ABCA1: variants seen among roughly 807,000 people sequenced by gnomAD.
ABCA1 encodes the protein ATP binding cassette subfamily A member 1.
A neutral mutation model predicts 262.5 loss-of-function variants in ABCA1; 133 were observed. That is an observed-to-expected ratio of 0.51 (90% CI 0.44 to 0.59). ABCA1 has a LOEUF of 0.59. ABCA1 is among the 20% of genes least tolerant of loss of function. The pLI, the probability that ABCA1 is intolerant of heterozygous loss-of-function variation, is 0.00. For missense variants in ABCA1, 2,452 were observed against 2,777.5 expected (o/e 0.88, Z 2.63); for synonymous variants, 1,022 against 1,043.5 (o/e 0.98, Z 0.40).
intron 1 of ABCA1, among the ~76,000 whole-genome samples, chr9:104,916,811 C>G (rs1441753003): frequency 6.6e-6 from 1 of 152,192 alleles, no homozygotes; most frequent in African/African-American, 2.4e-5. Context: ...TCCCAAAGTG[C>G]TGTGATTACA....
At chr9:104,796,524 A>G (rs1829911000) in intron 37 of ABCA1, 100 bp from the exon 38 acceptor site, 4 of 858,804 alleles carry the variant, frequency 4.7e-6, no homozygotes, top group Admixed American at 2.0e-5. Context: ...GCAGATAAAC[A>G]TATTGGAGAG....
chr9:104,834,726 A>C (rs963225430), intron 11 of ABCA1, among the ~76,000 whole-genome samples: 1 of 135,198 alleles, frequency 7.4e-6, no homozygotes, highest in African/African-American at 2.6e-5. Flanking sequence ...GGCTAAAAGC[A>C]GCTCAGAAAA....
intron 7 of ABCA1, among the ~76,000 whole-genome samples, chr9:104,851,377 T>G (rs1389395258): frequency 1.3e-5 from 2 of 152,148 alleles, no homozygotes; most frequent in East Asian, 3.8e-4. Context: ...TGCCCACCTC[T>G]GCAGGCATCA....
At chr9:104,903,361 G>C (rs145813559) in intron 2 of ABCA1, among the ~76,000 whole-genome samples, 10 of 152,154 alleles carry the variant, frequency 6.6e-5, no homozygotes, top group Admixed American at 2.6e-4. Flanking sequence ...CCAGGTCCTA[G>C]GGATCAGAAC....
At chr9:104,821,199 C>T (rs146131140) in intron 20 of ABCA1, among the ~76,000 whole-genome samples, 176 bp downstream of exon 20, 16 of 152,136 alleles carry the variant, frequency 1.1e-4, no homozygotes, top group East Asian at 5.8e-4. Flanking sequence ...GCCGAGATCG[C>T]GCCACTACAG....
At position 104,862,639 on chromosome 9, in the gene ABCA1, C is replaced by CGGGCA. The variant is rs1564197760; in HGVS notation, c.422-840_422-839insTGCCC. Among the ~76,000 whole-genome samples, 10 of 5,384 alleles carry CGGGCA rather than the reference C, an allele frequency of 1.9e-3. 1 individual carries two copies. Among genetic ancestry groups the CGGGCA allele is most frequent in the African/African-American group, 5.1e-3 (10 of 1,972 alleles). The allele number at this position is 5,384 out of a possible 152,430, so 3.5% of individuals were successfully genotyped here. On this transcript the variant is annotated intron_variant, in intron 5 of 49. Transcript: ENST00000374736. ...CTTGTTAAAATGCAGACTGCCGGGCCGGGCCGGGCCGGGCCGGGCCGGGCC... is the reference window on the plus strand; with the variant it reads ...CTTGTTAAAATGCAGACTGCCGGGCCGGGCAGGGCCGGGCCGGGCCGGGCCGGGCC...
At chr9:104,890,383 C>G (rs1040394859) in intron 2 of ABCA1, among the ~76,000 whole-genome samples, 26 of 152,098 alleles carry the variant, frequency 1.7e-4, no homozygotes, top group Non-Finnish European at 2.9e-5. Context: ...AATTCGAGAC[C>G]AGCCTGGCCA....
rs1416091618 is a variant in ABCA1 at position 104,832,779 on chromosome 9, TC to T, written c.1312-9del. 1.2e-6 allele frequency: 2 copies of T among 1,614,040 alleles called. No individual in the cohort carries two copies. The highest frequency in any genetic ancestry group is 1.7e-6 in the Non-Finnish European group (2 of 1,179,934). ...CCTGCTGTCCAACAGCATCTGCCATTCCAGTGAGAAAGTACAAGTAGTAAAC... is the reference window on the plus strand; with the variant it reads ...CCTGCTGTCCAACAGCATCTGCCATTCAGTGAGAAAGTACAAGTAGTAAAC... On this transcript the variant is annotated splice_polypyrimidine_tract_variant and intron_variant, in intron 11 of 49. Coordinates refer to ENST00000374736, the MANE Select transcript of ABCA1 (RefSeq NM_005502.4).
At chr9:104,846,640 A>G (rs992261603) in intron 7 of ABCA1, among the ~76,000 whole-genome samples, 1 of 152,226 alleles carries the variant, frequency 6.6e-6, no homozygotes, top group Non-Finnish European at 1.5e-5. Context: ...CACAATATCC[A>G]AGCATAATCC....
intron 5 of ABCA1, among the ~76,000 whole-genome samples, chr9:104,873,886 C>T (rs1837864045): frequency 1.3e-5 from 2 of 152,184 alleles, no homozygotes; most frequent in African/African-American, 4.8e-5. Flanking sequence ...CAAGGTTACA[C>T]AGCTGATAAG....
intron 5 of ABCA1, among the ~76,000 whole-genome samples, chr9:104,876,604 C>T (rs936969016): frequency 1.1e-4 from 16 of 152,320 alleles, no homozygotes; most frequent in African/African-American, 3.6e-4. Flanking sequence ...CTAAGCAATA[C>T]ATTTTAAGTA....
At chr9:104,856,853 G>A (rs545802334) in intron 7 of ABCA1, among the ~76,000 whole-genome samples, 5 of 152,290 alleles carry the variant, frequency 3.3e-5, no homozygotes, top group African/African-American at 1.2e-4. Context: ...TTGTAACAAA[G>A]TTTTGTACCA....
chr9:104,880,393 G>A (rs960522989), intron 5 of ABCA1, among the ~76,000 whole-genome samples: 11 of 152,032 alleles, frequency 7.2e-5, no homozygotes, highest in East Asian at 3.9e-4. Context: ...CCAGCCCTTC[G>A]GGAGGCTAAG....
intron 2 of ABCA1, among the ~76,000 whole-genome samples, chr9:104,890,786 C>A (rs554439270): frequency 6.6e-6 from 1 of 152,074 alleles, no homozygotes; most frequent in South Asian, 2.1e-4. Flanking sequence ...TTTTCTTGAT[C>A]TTCAAGTCCT....
intron 10 of ABCA1, 99 bp from the exon 11 acceptor site, chr9:104,837,195 C>A: frequency 1.8e-6 from 2 of 1,124,956 alleles, no homozygotes; most frequent in Non-Finnish European, 2.6e-6. Context: ...ATCACAGCAG[C>A]CCTGTGCCAG....
chr9:104,877,763 C>A (rs921100015), intron 5 of ABCA1, among the ~76,000 whole-genome samples: 1 of 152,196 alleles, frequency 6.6e-6, no homozygotes, highest in Non-Finnish European at 1.5e-5. Flanking sequence ...TCAACACATG[C>A]CCAAAGTTCA....
At position 104,783,591 on chromosome 9, in the gene ABCA1, A is replaced by G. The variant is rs1453985033; in HGVS notation, c.*724T>C. ...GACCCATGGCTCGAAGCATAGGACA[A>G]TATAACAATGGAACCAAGTTTCCCG... On this transcript the variant is annotated 3_prime_UTR_variant, in exon 50 of 50. Coordinates refer to ENST00000374736, the MANE Select transcript of ABCA1 (RefSeq NM_005502.4). 3 of 152,606 alleles carry G rather than the reference A, an allele frequency of 2.0e-5. No homozygotes were observed. Among genetic ancestry groups the G allele is most frequent in the East Asian group, 3.8e-4 (2 of 5,200 alleles). The allele number at this position is 152,606 out of a possible 1,614,324, so 9.5% of individuals were successfully genotyped here.
In ABCA1 at chr9:104,818,887, C is replaced by G; in HGVS notation, c.3242-4G>C. ...GTAGAGAGAATAATGGTGCGGCCTGCCAGGCACAAACACAAGGATGTGGGA... is the reference window on the plus strand; with the variant it reads ...GTAGAGAGAATAATGGTGCGGCCTGGCAGGCACAAACACAAGGATGTGGGA... On this transcript the variant is annotated splice_polypyrimidine_tract_variant and splice_region_variant and intron_variant, in intron 22 of 49. Transcript: ENST00000374736. The G allele has an allele frequency of 6.2e-7, 1 of 1,610,028 alleles. No individual in the cohort carries two copies. Among genetic ancestry groups the G allele is most frequent in the Non-Finnish European group, 8.5e-7 (1 of 1,178,118 alleles).
intron 1 of ABCA1, among the ~76,000 whole-genome samples, chr9:104,918,754 C>T (rs1341776936): frequency 2.0e-5 from 3 of 152,190 alleles, no homozygotes; most frequent in Non-Finnish European, 4.4e-5. Flanking sequence ...GTAAGCTCAT[C>T]AGTCTGGGCC....
Sources: gnomAD v4.1 joint callset for allele counts (sites outside exome capture counted in the v4.1 genomes callset) on GRCh38, gnomAD v4.1.1 for gene constraint, MANE v1.5 for transcripts, NCBI Gene and HGNC (gene_info 2026-07-23, HGNC 2026-07-21) for gene names.